Variants in EFTUD2 observed in about 807,000 individuals in gnomAD.
The protein encoded by EFTUD2 is 116 kDa U5 small nuclear ribonucleoprotein component.
A neutral mutation model predicts 114.3 loss-of-function variants in EFTUD2; 9 were observed. The observed-to-expected ratio is 0.08, with a 90% CI of 0.05 to 0.14. The LOEUF (loss-of-function observed/expected upper bound fraction) is 0.14, where lower values mean the gene tolerates loss of function less well. Among genes scored for constraint, EFTUD2 ranks in the 10% least tolerant of loss-of-function variants. EFTUD2 has a pLI of 1.00. For missense variants in EFTUD2, 765 were observed against 1,241.2 expected (o/e 0.62, Z 5.76); for synonymous variants, 449 against 462.3 (o/e 0.97, Z 0.37).
Position 44,883,129 on chromosome 17 carries a change from C to A in EFTUD2, c.456G>T (p.Gln152His). The A allele has an allele frequency of 6.2e-7, 1 of 1,614,132 alleles. No homozygotes were observed. The highest frequency in any genetic ancestry group is 1.6e-4 in the Middle Eastern group (1 of 6,062). Reference sequence around the variant, plus strand: ...AGCGCTTTCTGATTTCCGGGTGAGTCTGTTCAATTAAACAATCCACAAAAC... The same window carrying A: ...AGCGCTTTCTGATTTCCGGGTGAGTATGTTCAATTAAACAATCCACAAAAC... ...KTCFVDCLIE[Q>H]THPEIRKRYD... The change falls in exon 6 of 28, where the codon CAG (glutamine) becomes CAT (histidine). Residue 152 changes from glutamine (Q) to histidine (H), a missense_variant. This residue lies in a region of EFTUD2 where 251 missense variants were observed against 357.7 expected (regional missense o/e 0.70). Transcript: ENST00000426333.
At chr17:44,852,192 C>T (rs540709615) in intron 26 of EFTUD2, among the ~76,000 whole-genome samples, 27 of 152,126 alleles carry the variant, frequency 1.8e-4, no homozygotes, top group Admixed American at 1.0e-3. Context: ...GCTGGGATTA[C>T]AGGTGTGAAC....
chr17:44,873,410 C>T (rs536331554), intron 10 of EFTUD2, among the ~76,000 whole-genome samples: 164 of 152,126 alleles, frequency 1.1e-3, no homozygotes, highest in Non-Finnish European at 2.0e-3. Flanking sequence ...GGCTGGAGCA[C>T]AGTGGTACAA....
chr17:44,883,005 G>C, intron 6 of EFTUD2, 88 bp downstream of exon 6: 4 of 1,324,556 alleles, frequency 3.0e-6, no homozygotes, highest in South Asian at 1.3e-5. Context: ...TATTTATAGA[G>C]AACAGGAAGG....
At chr17:44,874,844 C>T (rs1311902297) in intron 10 of EFTUD2, among the ~76,000 whole-genome samples, 1 of 152,190 alleles carries the variant, frequency 6.6e-6, no homozygotes, top group Non-Finnish European at 1.5e-5. Flanking sequence ...TAACATTATT[C>T]AGCACATCAG....
At chr17:44,868,077 G>A (rs1446868097) in intron 12 of EFTUD2, among the ~76,000 whole-genome samples, 180 bp from the exon 13 acceptor site, 1 of 151,784 alleles carries the variant, frequency 6.6e-6, no homozygotes, top group African/African-American at 2.4e-5. Context: ...CTGGATGCCT[G>A]AGCTGGGCTG....
intron 4 of EFTUD2, 36 bp from the exon 5 acceptor site, chr17:44,883,760 G>A: frequency 1.2e-6 from 2 of 1,606,126 alleles, no homozygotes; most frequent in Non-Finnish European, 8.5e-7. Flanking sequence ...AGAGAGATTG[G>A]CAAACGTTTC....
rs545612492 is a variant in EFTUD2 at position 44,888,710 on chromosome 17, C to G, written c.106-1960G>C. On this transcript the variant is annotated intron_variant, in intron 2 of 27. Transcript: ENST00000426333. ...AAAGAGAAGCAGTAAGGTTTTTGAT[C>G]TGAGCACCGGAAAACAGCCTTGCCT... Among the ~76,000 whole-genome samples the G allele has an allele frequency of 5.3e-5, 8 of 152,240 alleles. No individual in the cohort carries two copies. The South Asian group carries it at 8.3e-4, about 16-fold the overall frequency.
rs2051103348 is a variant in EFTUD2, at chr17:44,883,139, A to G, written c.446T>C (p.Leu149Ser). The G allele has an allele frequency of 8.1e-6, 13 of 1,614,160 alleles. No individual in the cohort carries two copies. The highest frequency in any genetic ancestry group is 1.1e-5 in the Non-Finnish European group (13 of 1,180,018). ...HHGKTCFVDC[L>S]IEQTHPEIRK... The stretch of plus-strand genomic sequence containing the variant: ...GATTTCCGGGTGAGTCTGTTCAATT[A>G]AACAATCCACAAAACATGTCTAAAA... Residue 149 changes from leucine to serine, a missense_variant, in exon 6 of 28, where the codon TTA becomes TCA. Physicochemically the swap from Leu to Ser is moderately radical, Grantham distance 145. Coordinates refer to ENST00000426333, the MANE Select transcript of EFTUD2 (RefSeq NM_004247.4).
Position 44,863,696 on chromosome 17 carries a change from C to A in EFTUD2, c.1372G>T (p.Asp458Tyr). Reference sequence around the variant, plus strand: ...CTCATAGCCTCGCCGAGGTCGGAGTCCACACCACCGGTGTAGGTGTGCTCA... The same window carrying A: ...CTCATAGCCTCGCCGAGGTCGGAGTACACACCACCGGTGTAGGTGTGCTCA... ...KIEHTYTGGV[D>Y]SDLGEAMSDC... The change falls in exon 15 of 28, where the codon GAC becomes TAC. Residue 458 changes from aspartate (D) to tyrosine (Y), a missense_variant. Asp to Tyr is a radical substitution (Grantham distance 160). This residue lies in a region of EFTUD2 where 59 missense variants were observed against 50.1 expected (regional missense o/e 1.18). Coordinates refer to ENST00000426333, the MANE Select transcript of EFTUD2 (RefSeq NM_004247.4). The A allele has an allele frequency of 1.2e-6, 2 of 1,614,176 alleles. No homozygotes were observed. The highest frequency in any genetic ancestry group is 2.2e-5 in the South Asian group (2 of 91,062).
At chr17:44,888,005 A>G (rs2051205976) in intron 2 of EFTUD2, among the ~76,000 whole-genome samples, 2 of 152,232 alleles carry the variant, frequency 1.3e-5, no homozygotes, top group African/African-American at 4.8e-5. Flanking sequence ...GTAATAAAGC[A>G]ATCAAGGAAA....
rs369210603 is a variant in EFTUD2, at chr17:44,854,219, G to C, written c.2347+50C>G. 80 of 1,558,588 alleles carry C rather than the reference G, an allele frequency of 5.1e-5. No homozygotes were observed. The highest frequency in any genetic ancestry group is 6.3e-5 in the Non-Finnish European group (72 of 1,147,668). On this transcript the variant is annotated intron_variant, in intron 23 of 27. Transcript: ENST00000426333. This position sits in a 1 kb window ranked among gnomAD's most constrained non-coding sequence, Gnocchi z 4.3. ...GTGAGCCCATCCCACTCATATGCCT[G>C]GCTGCAAGGACCCTCGAGGACTGGG...
Position 44,853,500 on chromosome 17 carries a change from C to T in EFTUD2, c.2466+17G>A. 6.2e-7 allele frequency: 1 copy of T among 1,613,698 alleles called. No homozygotes were observed. Among genetic ancestry groups the T allele is most frequent in the South Asian group, 1.1e-5 (1 of 91,078 alleles). On this transcript the variant is annotated intron_variant, in intron 24 of 27. Transcript: ENST00000426333. ...GTCCAGTGAAGCAGATGGTCCCCTA[C>T]CGCCCCATTCTCTTACCATGAGGAA...
At chr17:44,893,159 G>A (rs1380838585) in intron 2 of EFTUD2, among the ~76,000 whole-genome samples, 1 of 146,056 alleles carries the variant, frequency 6.8e-6, no homozygotes, top group African/African-American at 2.5e-5. Context: ...TCTCACTCTT[G>A]TTGCCCAGGC....
In EFTUD2 at chr17:44,852,562, C is replaced by T. The variant is rs896547317; in HGVS notation, c.2562G>A (p.Arg854=). 1.9e-6 allele frequency: 3 copies of T among 1,613,588 alleles called. No homozygotes were observed. The African/African-American group carries it at 4.0e-5, about 22-fold the overall frequency. ...TGGGTGCATCCTGAGTCACGTGCCC[C>T]CTGAGACAGAAAAACAAAGGCTGAG... The part of the protein sequence containing the change: ...SAVYTVLARR[R]GHVTQDAPIP... The change falls in exon 26 of 28, where the codon AGG becomes AGA. Residue 854 remains arginine (R), a splice_region_variant and synonymous_variant. Coordinates refer to ENST00000426333, the MANE Select transcript of EFTUD2 (RefSeq NM_004247.4).
intron 13 of EFTUD2, among the ~76,000 whole-genome samples, chr17:44,865,935 C>G (rs1051354381): frequency 6.6e-6 from 1 of 152,006 alleles, no homozygotes; most frequent in Non-Finnish European, 1.5e-5. Context: ...CCTCAGCCCC[C>G]CAAGTAGTTG....
In EFTUD2 at chr17:44,854,821, A is replaced by T. The variant is rs935661136; in HGVS notation, c.2132+97T>A. On this transcript the variant is annotated intron_variant, in intron 21 of 27. Transcript: ENST00000426333. The surrounding 1 kb of genome is among the most constrained non-coding windows in gnomAD (Gnocchi z 4.3). ...GAACAAGAGCAAAGGCAAAGACATA[A>T]ATGCTCCCCAGAAAGATGTGTGCTC... The T allele has an allele frequency of 4.4e-4, 692 of 1,565,026 alleles. 1 individual carries two copies. The highest frequency in any genetic ancestry group is 5.7e-4 in the Non-Finnish European group (654 of 1,138,122).
At chr17:44,880,227 C>T (rs531763942) in intron 8 of EFTUD2, among the ~76,000 whole-genome samples, 1 of 152,322 alleles carries the variant, frequency 6.6e-6, no homozygotes, top group Non-Finnish European at 1.5e-5. Flanking sequence ...ACTGAGAGTA[C>T]TCAAGGCCAG....
At chr17:44,885,911 G>A (rs551614352) in intron 3 of EFTUD2, among the ~76,000 whole-genome samples, 1 of 151,952 alleles carries the variant, frequency 6.6e-6, no homozygotes, top group East Asian at 2.0e-4. Context: ...TTACAGGCAT[G>A]AGCCACCGCT....
At chr17:44,875,881 G>T in intron 10 of EFTUD2, 53 bp downstream of exon 10, 1 of 1,591,260 alleles carries the variant, frequency 6.3e-7, no homozygotes, top group Non-Finnish European at 8.6e-7. Flanking sequence ...GGTATTCAGG[G>T]TTAAAACCCA....
Sources: gnomAD v4.1 joint callset for allele counts (sites outside exome capture counted in the v4.1 genomes callset) on GRCh38, gnomAD v4.1.1 for gene constraint, gnomAD v4.1.1 regional missense constraint, Gnocchi (gnomAD v3.1) non-coding constraint, MANE v1.5 for transcripts, NCBI Gene and HGNC (gene_info 2026-07-23, HGNC 2026-07-21) for gene names.